Variants in SPAG16 observed in about 807,000 individuals in gnomAD.
SPAG16 encodes sperm-associated antigen 16 protein.
Under a neutral mutation model 80.4 loss-of-function variants are expected in SPAG16, and 86 were observed. The observed-to-expected ratio is 1.07, with a 90% CI of 0.90 to 1.28. The LOEUF (loss-of-function observed/expected upper bound fraction) is 1.28. SPAG16 is among the 50% of genes most tolerant of loss of function. The probability of loss-of-function intolerance (pLI) is 0.00; values close to 1 mark genes in which losing one functional copy is unlikely to be tolerated. For synonymous variants in SPAG16, 294 were observed against 265.9 expected, an observed-to-expected ratio of 1.11 and a Z score of -1.03; for missense variants, 870 against 765.3, an observed-to-expected ratio of 1.14 and a Z score of -1.61.
At chr2:213,887,666 A>G (rs1215111873) in intron 11 of SPAG16, among the ~76,000 whole-genome samples, 1 of 151,558 alleles carries the variant, frequency 6.6e-6, no homozygotes, top group African/African-American at 2.4e-5. Flanking sequence ...AAAATATTGT[A>G]AAATAATATA....
chr2:213,707,992 T>C (rs1004305969), intron 10 of SPAG16, among the ~76,000 whole-genome samples: 1 of 152,188 alleles, frequency 6.6e-6, no homozygotes, highest in African/African-American at 2.4e-5. Flanking sequence ...TACTATGACA[T>C]ATGAGAGTCA....
intron 10 of SPAG16, among the ~76,000 whole-genome samples, chr2:213,627,581 T>G (rs1458568631): frequency 1.3e-5 from 2 of 152,214 alleles, no homozygotes; most frequent in Non-Finnish European, 2.9e-5. Context: ...GTGCATTATT[T>G]TAGTTGTCTG....
intron 13 of SPAG16, among the ~76,000 whole-genome samples, chr2:214,055,659 A>C (rs1419666712): frequency 3.9e-5 from 6 of 152,150 alleles, no homozygotes; most frequent in Non-Finnish European, 8.8e-5. Context: ...GAGGCATAAA[A>C]ATTACAAAAT....
chr2:214,196,517 A>T (rs2057843802), intron 15 of SPAG16, among the ~76,000 whole-genome samples: 1 of 152,114 alleles, frequency 6.6e-6, no homozygotes, highest in African/African-American at 2.4e-5. Flanking sequence ...GAAGAATGGT[A>T]AATATCACTT....
intron 10 of SPAG16, among the ~76,000 whole-genome samples, chr2:213,672,332 TTTC>T (rs1241586865): frequency 1.3e-5 from 2 of 152,156 alleles, no homozygotes; most frequent in African/African-American, 2.4e-5. Context: ...TCAGCTCTTT[TTTC>T]TTCTTTTCCT....
intron 1 of SPAG16, among the ~76,000 whole-genome samples, chr2:213,286,858 G>A (rs1242568772): frequency 6.6e-6 from 1 of 151,870 alleles, no homozygotes; most frequent in East Asian, 1.9e-4. Context: ...ATAGACTAAT[G>A]TCCAAACCAG....
intron 12 of SPAG16, among the ~76,000 whole-genome samples, chr2:213,949,168 A>AGTTTTTTTTTT (rs2079598019): frequency 1.3e-5 from 1 of 75,264 alleles, no homozygotes; most frequent in East Asian, 4.2e-4. Context: ...TAATTACAAC[A>AGTTTTTTTTTT]GTTTTTTTTT....
At chr2:213,349,590 T>C (rs186318994) in intron 6 of SPAG16, among the ~76,000 whole-genome samples, 40 of 152,286 alleles carry the variant, frequency 2.6e-4, no homozygotes, top group Admixed American at 9.8e-4. Flanking sequence ...ACATGACTTA[T>C]ATAAAAATGT....
chr2:214,079,527 C>T (rs577147380), intron 13 of SPAG16, among the ~76,000 whole-genome samples: 1 of 152,248 alleles, frequency 6.6e-6, no homozygotes, highest in African/African-American at 2.4e-5. Context: ...CCAGAGAAGG[C>T]ATTAATGCAA....
intron 14 of SPAG16, among the ~76,000 whole-genome samples, chr2:214,140,061 A>G (rs960569074): frequency 1.3e-5 from 2 of 152,172 alleles, no homozygotes; most frequent in Non-Finnish European, 2.9e-5. Context: ...GTCTCCCTGA[A>G]ATGTATAAAA....
chr2:213,540,029 ATTTTTTTTTT>A (rs58117443), intron 10 of SPAG16, among the ~76,000 whole-genome samples: 1 of 110,816 alleles, frequency 9.0e-6, no homozygotes. Flanking sequence ...ATATTTCTTA[ATTTTTTTTTT>A]TTTTTTTTTT....
chr2:213,690,755 C>G (rs569525104), intron 10 of SPAG16, among the ~76,000 whole-genome samples: 1 of 152,124 alleles, frequency 6.6e-6, no homozygotes, highest in Middle Eastern at 3.2e-3. Context: ...TTCCTCTCCT[C>G]GTGCCCTTGG....
intron 11 of SPAG16, among the ~76,000 whole-genome samples, chr2:213,897,263 T>C (rs2077032369): frequency 6.6e-6 from 1 of 152,172 alleles, no homozygotes; most frequent in Admixed American, 6.5e-5. Context: ...AAAATCAACA[T>C]TGATGCATCT....
intron 11 of SPAG16, among the ~76,000 whole-genome samples, chr2:213,882,739 A>G (rs1408456344): frequency 6.6e-6 from 1 of 152,104 alleles, no homozygotes; most frequent in Non-Finnish European, 1.5e-5. Context: ...TTTTCAAAGA[A>G]CAAACTTTTG....
At chr2:213,404,103 A>T (rs927407661) in intron 9 of SPAG16, among the ~76,000 whole-genome samples, 9 of 152,180 alleles carry the variant, frequency 5.9e-5, no homozygotes, top group Non-Finnish European at 1.0e-4. Flanking sequence ...GGGTAGGAAG[A>T]ATCAATATCA....
chr2:213,527,481 A>G (rs1349690672), intron 10 of SPAG16, among the ~76,000 whole-genome samples: 1 of 152,178 alleles, frequency 6.6e-6, no homozygotes, highest in Non-Finnish European at 1.5e-5. Context: ...GGAATTTAGC[A>G]TCTTCATTTA....
At chr2:214,167,892 A>G (rs1041762667) in intron 15 of SPAG16, among the ~76,000 whole-genome samples, 7 of 151,696 alleles carry the variant, frequency 4.6e-5, no homozygotes, top group African/African-American at 1.4e-4. Flanking sequence ...ACTGGTTTTG[A>G]ATCTAGATTC....
At chr2:213,728,436 G>A (rs1214772590) in intron 10 of SPAG16, among the ~76,000 whole-genome samples, 2 of 152,136 alleles carry the variant, frequency 1.3e-5, no homozygotes, top group African/African-American at 4.8e-5. Flanking sequence ...GCTGTACTTA[G>A]CAGCAAAGGA....
At chr2:213,972,027 T>A (rs1289563291) in intron 12 of SPAG16, among the ~76,000 whole-genome samples, 1 of 151,852 alleles carries the variant, frequency 6.6e-6, no homozygotes, top group African/African-American at 2.4e-5. Context: ...ATACAATGTA[T>A]AATTATCACA....
Sources: allele counts gnomAD v4.1 joint callset (sites outside exome capture counted in the v4.1 genomes callset), GRCh38; gene constraint gnomAD v4.1.1; transcripts MANE v1.5; gene names NCBI Gene and HGNC (gene_info 2026-07-23, HGNC 2026-07-21).